Variants in CATSPERT observed in about 807,000 individuals in gnomAD.
The protein encoded by CATSPERT is catsper channel auxiliary subunit tau.
chr2:201,581,591 T>TATATATATATATATATATAC, the CATSPERT span, among the ~76,000 whole-genome samples: 1 of 45,320 alleles, frequency 2.2e-5, no homozygotes, highest in African/African-American at 9.1e-5. Context: ...TATATATATA[T>TATATATATATATATATATAC]ATACACATAC....
chr2:201,542,131 AAAAGT>A, the CATSPERT span, among the ~76,000 whole-genome samples: 2 of 151,606 alleles, frequency 1.3e-5, no homozygotes. Flanking sequence ...CTTAATAGAC[AAAAGT>A]ATAGTGTAAA....
chr2:201,547,599 A>C, the CATSPERT span: 1 of 1,498,464 alleles, frequency 6.7e-7, no homozygotes, highest in Non-Finnish European at 9.0e-7. Context: ...TTCTTTTTTC[A>C]TCTTTTCCAG....
the CATSPERT span, among the ~76,000 whole-genome samples, chr2:201,517,521 C>T: frequency 6.6e-6 from 1 of 152,222 alleles, no homozygotes; most frequent in African/African-American, 2.4e-5. Context: ...TACTTACAAG[C>T]TGTCAAGTTA....
At chr2:201,564,454 T>C in the CATSPERT span, among the ~76,000 whole-genome samples, 32 of 152,246 alleles carry the variant, frequency 2.1e-4, no homozygotes, top group African/African-American at 6.7e-4. Flanking sequence ...ATAATTTAAA[T>C]AGACTCACAG....
the CATSPERT span, among the ~76,000 whole-genome samples, chr2:201,497,997 A>C: frequency 3.3e-5 from 5 of 152,232 alleles, no homozygotes; most frequent in African/African-American, 1.2e-4. Flanking sequence ...AAACCCAATC[A>C]GAAAAACCAT....
chr2:201,533,657 G>C, the CATSPERT span, among the ~76,000 whole-genome samples: 1 of 152,156 alleles, frequency 6.6e-6, no homozygotes, highest in Admixed American at 6.5e-5. Context: ...TGACATTGAG[G>C]ATCTTGGGAG....
chr2:201,519,342 C>T, the CATSPERT span, among the ~76,000 whole-genome samples: 1 of 152,076 alleles, frequency 6.6e-6, no homozygotes, highest in South Asian at 2.1e-4. Context: ...CCCTGCTGAA[C>T]CAACACCCAA....
the CATSPERT span, among the ~76,000 whole-genome samples, chr2:201,552,549 T>G: frequency 6.6e-6 from 1 of 152,090 alleles, no homozygotes; most frequent in Non-Finnish European, 1.5e-5. Flanking sequence ...TGCAAAAACT[T>G]TGCACTTTTT....
the CATSPERT span, chr2:201,487,865 G>A: frequency 6.2e-7 from 1 of 1,612,180 alleles, no homozygotes; most frequent in Admixed American, 1.7e-5. Context: ...TGTAAATGAG[G>A]TCATGTCATG....
chr2:201,554,284 T>C, the CATSPERT span: 3 of 152,186 alleles, frequency 2.0e-5, no homozygotes, highest in Admixed American at 6.5e-5. Context: ...ATCATTTTAC[T>C]AGTATCTGCA....
At chr2:201,597,984 T>C in the CATSPERT span, among the ~76,000 whole-genome samples, 2 of 152,366 alleles carry the variant, frequency 1.3e-5, no homozygotes, top group South Asian at 4.1e-4. Flanking sequence ...TAATTTTATT[T>C]TATCCTAATT....
chr2:201,594,827 C>CAA, the CATSPERT span, among the ~76,000 whole-genome samples: 25 of 152,310 alleles, frequency 1.6e-4, no homozygotes, highest in Non-Finnish European at 2.4e-4. Flanking sequence ...TTTTCAGCTC[C>CAA]ATCAGCTCCT....
At chr2:201,493,300 A>G in the CATSPERT span, 1 of 1,536,608 alleles carries the variant, frequency 6.5e-7, no homozygotes, top group Non-Finnish European at 8.7e-7. Context: ...TTGTGGGAAC[A>G]TATTTTGGTC....
At chr2:201,493,957 T>C in the CATSPERT span, 1 of 1,537,140 alleles carries the variant, frequency 6.5e-7, no homozygotes, top group Non-Finnish European at 8.7e-7. Context: ...TTTAATTATC[T>C]GACCCCCTTC....
the CATSPERT span, among the ~76,000 whole-genome samples, chr2:201,504,808 T>C: frequency 6.6e-6 from 1 of 152,114 alleles, no homozygotes; most frequent in South Asian, 2.1e-4. Flanking sequence ...GGAGGGAACA[T>C]AAGGTAAGGT....
At chr2:201,604,711 A>T in the CATSPERT span, 1 of 1,559,670 alleles carries the variant, frequency 6.4e-7, no homozygotes, top group Non-Finnish European at 8.7e-7. Flanking sequence ...CAATGTAAAT[A>T]AATTAAGATT....
chr2:201,545,556 A>G, the CATSPERT span: 1 of 1,494,290 alleles, frequency 6.7e-7, no homozygotes, highest in African/African-American at 1.5e-5. Context: ...CTCCTACAAT[A>G]TTTTCAAGCT....
At chr2:201,583,108 T>C in the CATSPERT span, among the ~76,000 whole-genome samples, 1 of 152,172 alleles carries the variant, frequency 6.6e-6, no homozygotes, top group African/African-American at 2.4e-5. Context: ...AGTAATCATA[T>C]AAAACTCCAA....
the CATSPERT span, among the ~76,000 whole-genome samples, chr2:201,558,793 C>T: frequency 6.6e-6 from 1 of 152,162 alleles, no homozygotes; most frequent in Non-Finnish European, 1.5e-5. Flanking sequence ...GAAGCGCACC[C>T]TCCTCTGGGG....
Sources: allele counts gnomAD v4.1 joint callset (sites outside exome capture counted in the v4.1 genomes callset), GRCh38; gene constraint gnomAD v4.1.1; transcripts MANE v1.5; gene names NCBI Gene and HGNC (gene_info 2026-07-23, HGNC 2026-07-21).